The following ANXA8 variants were observed in gnomAD, a reference collection of about 807,000 sequenced individuals.
ANXA8 encodes annexin A8.
In ANXA8, 9 loss-of-function variants were observed where a neutral mutation model predicts 26.8. That is an observed-to-expected ratio of 0.34 (90% CI 0.20 to 0.59). The LOEUF is 0.59. Ranked by LOEUF, ANXA8 falls within the 20% of genes least tolerant of loss-of-function variation. The pLI is 0.84. For missense variants in ANXA8, 83 were observed against 238.5 expected (o/e 0.35, Z 4.29); for synonymous variants, 39 against 94.8 (o/e 0.41, Z 3.42).
At chr10:47,921,829 G>A in the ANXA8 span, 1 of 507,558 alleles carries the variant, frequency 2.0e-6, no homozygotes, top group African/African-American at 1.9e-5. Flanking sequence ...TACCAGCCTT[G>A]GGTTGGAAGC....
At chr10:47,980,957 C>G in the ANXA8 span, among the ~76,000 whole-genome samples, 14 of 151,494 alleles carry the variant, frequency 9.2e-5, no homozygotes, top group African/African-American at 3.4e-4. Flanking sequence ...AACTTCAACT[C>G]ATTCTATGAT....
At chr10:47,946,290 T>C in the ANXA8 span, among the ~76,000 whole-genome samples, 1 of 149,728 alleles carries the variant, frequency 6.7e-6, no homozygotes, top group South Asian at 2.1e-4. Context: ...TTCTTCCTAA[T>C]ATTTATCTCA....
chr10:47,742,855 C>G, the ANXA8 span, among the ~76,000 whole-genome samples: 2 of 140,734 alleles, frequency 1.4e-5, no homozygotes, highest in Non-Finnish European at 3.1e-5. Context: ...CCTGAATTGA[C>G]TTATAAACTC....
the ANXA8 span, among the ~76,000 whole-genome samples, chr10:47,775,447 C>G: frequency 6.8e-6 from 1 of 146,258 alleles, no homozygotes. Context: ...TCCTTAAACT[C>G]TTGTCCATGG....
At chr10:47,743,663 T>C in the ANXA8 span, among the ~76,000 whole-genome samples, 1 of 147,218 alleles carries the variant, frequency 6.8e-6, no homozygotes, top group African/African-American at 2.5e-5. Flanking sequence ...GGGAGGATGC[T>C]GAACAGTAGA....
chr10:47,962,728 ATG>A, the ANXA8 span, among the ~76,000 whole-genome samples: 8 of 146,020 alleles, frequency 5.5e-5, no homozygotes, highest in African/African-American at 1.7e-4. Flanking sequence ...TTCCACATGC[ATG>A]TGTGTGCACA....
At chr10:47,627,384 TTCTC>T in the ANXA8 span, among the ~76,000 whole-genome samples, 1 of 150,242 alleles carries the variant, frequency 6.7e-6, no homozygotes, top group Non-Finnish European at 1.5e-5. Context: ...TTCTTGAAGT[TTCTC>T]TCAAACTGTG....
At chr10:47,949,403 T>A in the ANXA8 span, among the ~76,000 whole-genome samples, 11 of 149,756 alleles carry the variant, frequency 7.3e-5, no homozygotes, top group Non-Finnish European at 7.4e-5. Context: ...TTCCTCACAC[T>A]AACAAATATA....
At chr10:47,526,181 C>A in the ANXA8 span, among the ~76,000 whole-genome samples, 16 of 129,834 alleles carry the variant, frequency 1.2e-4, 2 homozygotes, top group Admixed American at 7.9e-5. Context: ...TCACTGCAAC[C>A]TCCACCTCCT....
At chr10:47,691,472 C>T in the ANXA8 span, among the ~76,000 whole-genome samples, 4 of 143,066 alleles carry the variant, frequency 2.8e-5, no homozygotes, top group Non-Finnish European at 3.0e-5. Context: ...CCACTTATCC[C>T]CTCCTTTAAT....
chr10:47,545,928 A>T, the ANXA8 span, among the ~76,000 whole-genome samples: 1 of 39,478 alleles, frequency 2.5e-5, no homozygotes, highest in East Asian at 2.1e-3. Context: ...CAGACAGAGA[A>T]ACCACCACCC....
chr10:47,713,036 C>T, the ANXA8 span, among the ~76,000 whole-genome samples: 1 of 152,256 alleles, frequency 6.6e-6, no homozygotes, highest in Non-Finnish European at 1.5e-5. Context: ...TCAGGTGATT[C>T]ACCCGCCTCA....
At chr10:47,953,171 G>C in the ANXA8 span, among the ~76,000 whole-genome samples, 2 of 149,236 alleles carry the variant, frequency 1.3e-5, no homozygotes, top group African/African-American at 5.0e-5. Flanking sequence ...GAAAGGGCAA[G>C]TTGCAGACCA....
chr10:47,649,511 C>T, the ANXA8 span, among the ~76,000 whole-genome samples: 18 of 151,340 alleles, frequency 1.2e-4, no homozygotes, highest in Non-Finnish European at 1.8e-4. Flanking sequence ...TGGGTTCAAG[C>T]GATTCTCCTG....
the ANXA8 span, chr10:47,502,245 G>A: frequency 6.3e-7 from 1 of 1,592,380 alleles, no homozygotes; most frequent in East Asian, 2.5e-5. Flanking sequence ...AGGCCAGATG[G>A]AGTGCCGTGC....
the ANXA8 span, among the ~76,000 whole-genome samples, chr10:47,552,886 A>G: frequency 6.6e-6 from 1 of 151,866 alleles, no homozygotes; most frequent in South Asian, 2.1e-4. Flanking sequence ...GGAAATCCAA[A>G]CTAGTATCTT....
At chr10:47,951,518 A>C in the ANXA8 span, among the ~76,000 whole-genome samples, 2 of 150,554 alleles carry the variant, frequency 1.3e-5, no homozygotes, top group African/African-American at 4.9e-5. Context: ...GTCCACAAGG[A>C]ATATACATGC....
At chr10:47,646,789 A>G in the ANXA8 span, among the ~76,000 whole-genome samples, 2 of 152,020 alleles carry the variant, frequency 1.3e-5, no homozygotes, top group African/African-American at 4.8e-5. Flanking sequence ...TCTCATAACT[A>G]TATTTTTTTC....
chr10:47,971,313 A>G, the ANXA8 span, among the ~76,000 whole-genome samples: 1 of 151,214 alleles, frequency 6.6e-6, no homozygotes, highest in East Asian at 1.9e-4. Context: ...TCAGTGAAGG[A>G]AGGGGAGAGA....
Sources: allele counts gnomAD v4.1 joint callset (sites outside exome capture counted in the v4.1 genomes callset), GRCh38; gene constraint gnomAD v4.1.1; transcripts MANE v1.5; gene names NCBI Gene and HGNC (gene_info 2026-07-23, HGNC 2026-07-21).